Variants in CSMD3 observed in about 807,000 individuals in gnomAD.
CSMD3 encodes CUB and sushi domain-containing protein 3.
In CSMD3, 177 loss-of-function variants were observed where a neutral mutation model predicts 435.2. The observed-to-expected ratio is 0.41, with a 90% CI of 0.36 to 0.46. CSMD3 has a LOEUF of 0.46. CSMD3 is among the 20% of genes least tolerant of loss of function. CSMD3 has a pLI of 0.34. For synonymous variants in CSMD3, 1,656 were observed against 1,520.5 expected, an observed-to-expected ratio of 1.09 and a Z score of -2.07; for missense variants, 4,265 against 4,504.6, an observed-to-expected ratio of 0.95 and a Z score of 1.52.
chr8:112,460,403 C>T (rs903160281), intron 32 of CSMD3, among the ~76,000 whole-genome samples: 2 of 151,942 alleles, frequency 1.3e-5, no homozygotes, highest in East Asian at 3.9e-4. Context: ...CATGAAGTTT[C>T]CATACCCCTA....
rs2086572867 is a variant in CSMD3, at chr8:113,018,849, A to G, written c.1030+218T>C. The G allele has an allele frequency of 5.5e-6, 3 of 546,828 alleles. No homozygotes were observed. The African/African-American group carries it at 5.7e-5, about 10-fold the overall frequency. 33.9% of individuals were successfully genotyped at this position (546,828 alleles called of 1,614,324 possible). A position where few individuals can be genotyped will look rare whatever the true frequency, so the allele number is the denominator to read the frequency against. Reference sequence around the variant, plus strand: ...CTACATACTACCTTTTAGAAATCATAATATTCATTATTCTGAATATTATAC... The same window carrying G: ...CTACATACTACCTTTTAGAAATCATGATATTCATTATTCTGAATATTATAC... On this transcript the variant is annotated intron_variant, in intron 6 of 70. Coordinates refer to ENST00000297405, the MANE Select transcript of CSMD3 (RefSeq NM_198123.2).
rs1812401457 is a variant in CSMD3, at chr8:112,224,588, T to A, written c.*183A>T. ...GTGCAGCCAAATTTCTGTAAAACTC[T>A]CCATGGTAAACATGAAGAATTATGG... On this transcript the variant is annotated 3_prime_UTR_variant, in exon 71 of 71. Transcript: ENST00000297405. 1.5e-6 allele frequency: 1 copy of A among 663,202 alleles called. No homozygotes were observed. Among genetic ancestry groups the A allele is most frequent in the Non-Finnish European group, 2.7e-6 (1 of 373,584 alleles). The allele number at this position is 663,202 out of a possible 1,614,324, so 41.1% of individuals were successfully genotyped here. A position where few individuals can be genotyped will look rare whatever the true frequency, so the allele number is the denominator to read the frequency against.
intron 30 of CSMD3, among the ~76,000 whole-genome samples, chr8:112,499,388 T>A (rs1205211127): frequency 6.6e-6 from 1 of 152,078 alleles, no homozygotes; most frequent in East Asian, 1.9e-4. Context: ...TTTCAATAAT[T>A]GCTAGACCGA....
chr8:113,428,229 TATC>T, intron 1 of CSMD3, among the ~76,000 whole-genome samples: 1 of 150,872 alleles, frequency 6.6e-6, no homozygotes, highest in South Asian at 2.1e-4. Flanking sequence ...TCTATCTATC[TATC>T]TATCTATCTA....
chr8:112,371,238 T>C (rs1225852558), intron 38 of CSMD3, among the ~76,000 whole-genome samples: 1 of 152,216 alleles, frequency 6.6e-6, no homozygotes, highest in Non-Finnish European at 1.5e-5. Context: ...GACTCCTTGC[T>C]GGTCTCCTTC....
intron 5 of CSMD3, among the ~76,000 whole-genome samples, chr8:113,086,194 A>G (rs1330220613): frequency 6.6e-6 from 1 of 151,364 alleles, no homozygotes; most frequent in Non-Finnish European, 1.5e-5. Flanking sequence ...GCTTGAAGTG[A>G]GCCGAGATCG....
At position 112,624,276 on chromosome 8, in the gene CSMD3, C is replaced by T. The variant is rs150915414; in HGVS notation, c.3715+12541G>A. Among the ~76,000 whole-genome samples, 1,373 of 152,040 alleles carry T rather than the reference C, an allele frequency of 9.0e-3. 12 individuals are homozygous for T. Among genetic ancestry groups the T allele is most frequent in the Non-Finnish European group, 0.014 (964 of 67,924 alleles). On this transcript the variant is annotated intron_variant, in intron 22 of 70. Coordinates refer to ENST00000297405, the MANE Select transcript of CSMD3 (RefSeq NM_198123.2). Reference sequence around the variant, plus strand: ...ACTTAAATATTATAGAAATCGATATCCTGAAATTCAGTAAACAAATTCAAG... The same window carrying T: ...ACTTAAATATTATAGAAATCGATATTCTGAAATTCAGTAAACAAATTCAAG...
At chr8:112,516,956 A>G (rs1406190872) in intron 28 of CSMD3, 78 bp downstream of exon 28, 3 of 1,102,866 alleles carry the variant, frequency 2.7e-6, no homozygotes, top group Non-Finnish European at 4.1e-6. Context: ...AGTCTAGAAT[A>G]TGGTTCTTAA....
At chr8:112,799,792 C>G (rs1183681923) in intron 13 of CSMD3, among the ~76,000 whole-genome samples, 1 of 151,800 alleles carries the variant, frequency 6.6e-6, no homozygotes, top group Admixed American at 6.6e-5. Flanking sequence ...GATTTCAGAC[C>G]TTTACTGTTA....
At chr8:112,510,063 C>T (rs1351775493) in intron 28 of CSMD3, among the ~76,000 whole-genome samples, 1 of 152,136 alleles carries the variant, frequency 6.6e-6, no homozygotes, top group Non-Finnish European at 1.5e-5. Context: ...CTTTTTTTCA[C>T]TGCATCCTTA....
chr8:112,565,720 T>A (rs1408818269), intron 24 of CSMD3, among the ~76,000 whole-genome samples: 1 of 152,130 alleles, frequency 6.6e-6, no homozygotes, highest in African/African-American at 2.4e-5. Context: ...ATTTAGCAGG[T>A]CAGCTTTTGA....
At chr8:112,804,240 G>A (rs2079027559) in intron 12 of CSMD3, among the ~76,000 whole-genome samples, 1 of 152,082 alleles carries the variant, frequency 6.6e-6, no homozygotes, top group Admixed American at 6.6e-5. Flanking sequence ...ATTAGAGGAA[G>A]GGTATTAGGA....
At chr8:112,766,815 T>C (rs551413343) in intron 13 of CSMD3, among the ~76,000 whole-genome samples, 1 of 151,936 alleles carries the variant, frequency 6.6e-6, no homozygotes, top group East Asian at 1.9e-4. Flanking sequence ...GTCTTTCTAT[T>C]GGCACAGCAA....
At chr8:112,267,518 A>C (rs1343034969) in intron 59 of CSMD3, among the ~76,000 whole-genome samples, 2 of 152,030 alleles carry the variant, frequency 1.3e-5, no homozygotes, top group African/African-American at 4.8e-5. Flanking sequence ...ATAAGCCTTC[A>C]ATTTATTATT....
chr8:112,757,338 G>A (rs184044724), intron 13 of CSMD3, among the ~76,000 whole-genome samples: 4 of 152,040 alleles, frequency 2.6e-5, no homozygotes, highest in African/African-American at 7.2e-5. Flanking sequence ...GTTACTTCAA[G>A]TGCAAATAAT....
chr8:112,463,963 G>A (rs1265019500), intron 32 of CSMD3, among the ~76,000 whole-genome samples: 2 of 152,116 alleles, frequency 1.3e-5, no homozygotes, highest in Admixed American at 6.6e-5. Context: ...CTGGCTGGGC[G>A]AGGTGGCTCA....
At chr8:112,261,496 T>C (rs1265233096) in intron 61 of CSMD3, among the ~76,000 whole-genome samples, 1 of 151,944 alleles carries the variant, frequency 6.6e-6, no homozygotes, top group Non-Finnish European at 1.5e-5. Flanking sequence ...TATACATTTA[T>C]TGGTAATTTA....
At chr8:113,410,252 T>C (rs2094552070) in intron 1 of CSMD3, among the ~76,000 whole-genome samples, 1 of 152,184 alleles carries the variant, frequency 6.6e-6, no homozygotes, top group African/African-American at 2.4e-5. Flanking sequence ...TATTTACCCC[T>C]CCAACAGTCA....
intron 35 of CSMD3, among the ~76,000 whole-genome samples, chr8:112,400,515 C>T (rs1831230194): frequency 6.6e-6 from 1 of 152,068 alleles, no homozygotes; most frequent in East Asian, 1.9e-4. Context: ...TCTCAAAAAG[C>T]CCAGGAAATA....
Sources: allele counts gnomAD v4.1 joint callset (sites outside exome capture counted in the v4.1 genomes callset), GRCh38; gene constraint gnomAD v4.1.1; transcripts MANE v1.5; gene names NCBI Gene and HGNC (gene_info 2026-07-23, HGNC 2026-07-21).